Variants in CACNA2D3 observed in about 807,000 individuals in gnomAD.
CACNA2D3 encodes calcium voltage-gated channel auxiliary subunit alpha2delta 3.
A neutral mutation model predicts 160.6 loss-of-function variants in CACNA2D3; 60 were observed. The ratio of observed to expected loss-of-function variants is 0.37; its 90% confidence interval spans 0.30 to 0.46. The LOEUF (loss-of-function observed/expected upper bound fraction) is 0.46, where lower values mean the gene tolerates loss of function less well. Ranked by LOEUF, CACNA2D3 falls within the 20% of genes least tolerant of loss-of-function variation. CACNA2D3 has a pLI of 1.00. For missense variants in CACNA2D3, 1,205 were observed against 1,365.0 expected (o/e 0.88, Z 1.85); for synonymous variants, 558 against 492.9 (o/e 1.13, Z -1.75).
chr3:54,785,207 A>T (rs937650365), intron 13 of CACNA2D3, among the ~76,000 whole-genome samples: 1 of 152,216 alleles, frequency 6.6e-6, no homozygotes, highest in Non-Finnish European at 1.5e-5. Context: ...TTTCTGCCAA[A>T]TGTTCAATAG....
intron 11 of CACNA2D3, among the ~76,000 whole-genome samples, chr3:54,725,540 C>G (rs1052159204): frequency 6.6e-6 from 1 of 152,172 alleles, no homozygotes; most frequent in Non-Finnish European, 1.5e-5. Context: ...CCAAATCTAG[C>G]AGCATATCAA....
rs555639490 is a variant in CACNA2D3, at chr3:54,434,664, C to A, written c.381+47890C>A. On this transcript the variant is annotated intron_variant, in intron 4 of 37. Coordinates refer to ENST00000474759, the MANE Select transcript of CACNA2D3 (RefSeq NM_018398.3). ...ATGCTCAGCAGTAGCAGGCTGGTGG[C>A]CTGGGCCAGACACAGTCAGGGGTCA... Among the ~76,000 whole-genome samples the A allele has an allele frequency of 8.5e-5, 13 of 152,314 alleles. No individual in the cohort carries two copies. The East Asian group carries it at 2.5e-3, about 30-fold the overall frequency.
chr3:55,009,377 G>C lies in CACNA2D3; in HGVS notation c.2820-11G>C. 1.2e-6 allele frequency: 2 copies of C among 1,613,340 alleles called. No homozygotes were observed. Among genetic ancestry groups the C allele is most frequent in the Non-Finnish European group, 8.5e-7 (1 of 1,179,360 alleles). On this transcript the variant is annotated splice_polypyrimidine_tract_variant and intron_variant, in intron 33 of 37. Coordinates refer to ENST00000474759, the MANE Select transcript of CACNA2D3 (RefSeq NM_018398.3). ...ACGAAGTAACATTGGGCTTTTCCAC[G>C]ATCTGTTTAGGTTCCTGGTGGAATT...
intron 2 of CACNA2D3, among the ~76,000 whole-genome samples, chr3:54,243,185 T>A (rs1414689513): frequency 6.6e-6 from 1 of 152,150 alleles, no homozygotes; most frequent in Non-Finnish European, 1.5e-5. Flanking sequence ...CCTGTGTTCT[T>A]GTGGAGTCCT....
intron 11 of CACNA2D3, among the ~76,000 whole-genome samples, chr3:54,734,710 A>G (rs1051335084): frequency 1.3e-5 from 2 of 152,236 alleles, no homozygotes; most frequent in African/African-American, 4.8e-5. Context: ...AGTTATTACA[A>G]AATGGTTTCT....
intron 13 of CACNA2D3, among the ~76,000 whole-genome samples, chr3:54,771,373 A>G (rs897635476): frequency 3.3e-5 from 5 of 152,184 alleles, no homozygotes; most frequent in African/African-American, 9.7e-5. Flanking sequence ...GTCTCAGCAC[A>G]AGTTAGGTGG....
chr3:54,303,822 T>TTTGTTTTTTG (rs1310252633), intron 2 of CACNA2D3, among the ~76,000 whole-genome samples: 26 of 105,518 alleles, frequency 2.5e-4, no homozygotes, highest in Admixed American at 3.3e-4. Context: ...TTTTCTGTTT[T>TTTGTTTTTTG]TTTTTTTTTT....
chr3:54,927,673 G>T (rs1284702508), intron 27 of CACNA2D3, among the ~76,000 whole-genome samples: 12 of 152,070 alleles, frequency 7.9e-5, no homozygotes, highest in African/African-American at 2.9e-4. Flanking sequence ...GAAATGGCCC[G>T]TGACATGCCA....
At chr3:54,147,628 TC>T (rs34808685) in intron 2 of CACNA2D3, among the ~76,000 whole-genome samples, 35 of 152,236 alleles carry the variant, frequency 2.3e-4, no homozygotes, top group Non-Finnish European at 4.6e-4. Context: ...CTCTGTTTCC[TC>T]CCCTGTACAA....
chr3:55,020,793 G>A (rs1703430734), intron 35 of CACNA2D3, among the ~76,000 whole-genome samples: 1 of 151,726 alleles, frequency 6.6e-6, no homozygotes, highest in Admixed American at 6.6e-5. Flanking sequence ...GGAGGTTGCA[G>A]TGAGCCAATA....
intron 9 of CACNA2D3, chr3:54,626,750 G>A: frequency 1.5e-6 from 1 of 648,548 alleles, no homozygotes; most frequent in Non-Finnish European, 2.7e-6. Flanking sequence ...TGACTGGAAA[G>A]CAAAGCGAGG....
intron 9 of CACNA2D3, among the ~76,000 whole-genome samples, chr3:54,602,340 A>G (rs771009974): frequency 1.3e-5 from 2 of 151,966 alleles, no homozygotes; most frequent in Non-Finnish European, 2.9e-5. Context: ...TCTACAAACA[A>G]TACAAAAATT....
At chr3:54,869,409 G>A (rs1157201751) in intron 17 of CACNA2D3, among the ~76,000 whole-genome samples, 2 of 152,252 alleles carry the variant, frequency 1.3e-5, no homozygotes, top group African/African-American at 4.8e-5. Context: ...GGGAAAGAGT[G>A]AAGCACTGTT....
chr3:54,995,663 G>A (rs143825337), intron 31 of CACNA2D3, among the ~76,000 whole-genome samples: 1 of 152,174 alleles, frequency 6.6e-6, no homozygotes, highest in South Asian at 2.1e-4. Flanking sequence ...GTATTAAGCA[G>A]CCTCCCATAC....
intron 11 of CACNA2D3, among the ~76,000 whole-genome samples, chr3:54,747,811 G>C (rs1411732101): frequency 6.6e-6 from 1 of 151,934 alleles, no homozygotes; most frequent in African/African-American, 2.4e-5. Flanking sequence ...ATTTTGTCTA[G>C]ATCTTTGATC....
chr3:54,878,802 A>G, intron 18 of CACNA2D3: 2 of 401,880 alleles, frequency 5.0e-6, no homozygotes, highest in Non-Finnish European at 8.7e-6. Context: ...CCTGAAGTTT[A>G]CACGAGCTCC....
intron 13 of CACNA2D3, among the ~76,000 whole-genome samples, chr3:54,767,459 G>C (rs1702246336): frequency 6.6e-6 from 1 of 152,150 alleles, no homozygotes; most frequent in Admixed American, 6.5e-5. Context: ...GGGCAAATGT[G>C]TAAATGCTGA....
At chr3:54,403,710 T>C (rs1466117792) in intron 4 of CACNA2D3, among the ~76,000 whole-genome samples, 1 of 152,124 alleles carries the variant, frequency 6.6e-6, no homozygotes, top group African/African-American at 2.4e-5. Context: ...CTGAATTGTT[T>C]ATTTTTTGAA....
At chr3:54,887,912 C>T in intron 23 of CACNA2D3, 47 bp from the exon 24 acceptor site, 6 of 1,484,896 alleles carry the variant, frequency 4.0e-6, no homozygotes, top group Middle Eastern at 3.5e-4. Flanking sequence ...TCTCATGCCC[C>T]TCTTCCAGCC....
Sources: gnomAD v4.1 joint callset for allele counts (sites outside exome capture counted in the v4.1 genomes callset) on GRCh38, gnomAD v4.1.1 for gene constraint, MANE v1.5 for transcripts, NCBI Gene and HGNC (gene_info 2026-07-23, HGNC 2026-07-21) for gene names.